GPR19: variants seen among roughly 807,000 people sequenced by gnomAD.
The protein encoded by GPR19 is probable G protein-coupled receptor 19.
Under a neutral mutation model 28.5 loss-of-function variants are expected in GPR19, and 14 were observed. The observed-to-expected ratio is 0.49, with a 90% confidence interval of 0.32 to 0.77. The LOEUF is 0.77. Ranked by LOEUF, GPR19 falls within the 30% of genes least tolerant of loss-of-function variation. The pLI, the probability that GPR19 is intolerant of heterozygous loss-of-function variation, is 0.03. For synonymous variants in GPR19, 173 were observed against 184.1 expected (o/e 0.94, Z 0.49); for missense variants, 409 against 504.1 (o/e 0.81, Z 1.81).
At chr12:12,704,466 C>T in the GPR19 span, among the ~76,000 whole-genome samples, 1 of 152,204 alleles carries the variant, frequency 6.6e-6, no homozygotes, top group South Asian at 2.1e-4. Context: ...CGTGCCACTG[C>T]ACTCCAGCCT....
chr12:12,690,828 G>A (rs1946169581), intron 2 of GPR19, among the ~76,000 whole-genome samples: 1 of 152,234 alleles, frequency 6.6e-6, no homozygotes, highest in Non-Finnish European at 1.5e-5. Context: ...GGATGGAGAA[G>A]AGTTCCCATA....
rs796971998 is a variant in GPR19, at chr12:12,686,316, G to A, written c.-179-1809C>T. On this transcript the variant is annotated intron_variant, in intron 2 of 3. Coordinates refer to ENST00000651487, the MANE Select transcript of GPR19 (RefSeq NM_006143.3). ...ATTTTCTACTTTTATTTTAGGAGGA[G>A]TGAGGTTAATTCTAGTTTTTCTATG... Among the ~76,000 whole-genome samples, 11 of 152,302 alleles carry A rather than the reference G, an allele frequency of 7.2e-5. 1 individual carries two copies. The highest frequency in any genetic ancestry group is 2.4e-4 in the African/African-American group (10 of 41,560).
intron 3 of GPR19, among the ~76,000 whole-genome samples, chr12:12,664,440 T>C (rs1945729174): frequency 6.6e-6 from 1 of 152,110 alleles, no homozygotes; most frequent in Admixed American, 6.5e-5. Context: ...TTAGGCTTTT[T>C]TGTCCATGAG....
chr12:12,667,189 C>G (rs1407941578), intron 3 of GPR19, among the ~76,000 whole-genome samples: 1 of 152,232 alleles, frequency 6.6e-6, no homozygotes, highest in Non-Finnish European at 1.5e-5. Context: ...TTCTTCACCT[C>G]TTTCCTGTTC....
rs112121529 is a variant in GPR19 at position 12,678,383 on chromosome 12, C to T, written c.-23+5968G>A. Among the ~76,000 whole-genome samples the T allele has an allele frequency of 3.9e-3, 595 of 152,256 alleles. 3 individuals are homozygous for T. Among genetic ancestry groups the T allele is most frequent in the Non-Finnish European group, 3.2e-3 (221 of 68,024 alleles). ...TAGGACATAGCAATATATTTTGACA[C>T]CTTTGTTGATATGCACGGTCCTGAT... On this transcript the variant is annotated intron_variant, in intron 3 of 3. Coordinates refer to ENST00000651487, the MANE Select transcript of GPR19 (RefSeq NM_006143.3).
chr12:12,670,143 T>G (rs1315300553), intron 3 of GPR19, among the ~76,000 whole-genome samples: 1 of 152,222 alleles, frequency 6.6e-6, no homozygotes, highest in Admixed American at 6.5e-5. Flanking sequence ...GACATGTTCT[T>G]ACAATGTCGA....
chr12:12,663,860 A>G (rs1360953081), intron 3 of GPR19, among the ~76,000 whole-genome samples: 1 of 152,226 alleles, frequency 6.6e-6, no homozygotes, highest in Middle Eastern at 3.2e-3. Context: ...ATGTGGCTCC[A>G]GCAACAGGCT....
At chr12:12,716,718 G>A in the GPR19 span, 1 of 984,498 alleles carries the variant, frequency 1.0e-6, no homozygotes, top group African/African-American at 1.7e-5. Flanking sequence ...AAAGAAAGAC[G>A]TTCGCTTTGG....
chr12:12,671,172 G>A (rs559256596), intron 3 of GPR19, among the ~76,000 whole-genome samples: 9 of 151,830 alleles, frequency 5.9e-5, no homozygotes, highest in South Asian at 2.1e-4. Flanking sequence ...CGGGTGTGGC[G>A]GCTGGTGCCT....
chr12:12,666,956 G>A (rs980691297), intron 3 of GPR19, among the ~76,000 whole-genome samples: 2 of 152,154 alleles, frequency 1.3e-5, no homozygotes, highest in African/African-American at 4.8e-5. Flanking sequence ...TAATTTAGGT[G>A]TCCTCAGACA....
chr12:12,691,409 G>C (rs1304965356), intron 2 of GPR19, among the ~76,000 whole-genome samples: 4 of 152,020 alleles, frequency 2.6e-5, no homozygotes, highest in African/African-American at 9.7e-5. Flanking sequence ...CCTTCACACT[G>C]CTTGTATTGC....
the GPR19 span, among the ~76,000 whole-genome samples, chr12:12,704,451 G>A: frequency 3.9e-5 from 6 of 152,270 alleles, no homozygotes; most frequent in South Asian, 6.2e-4. Flanking sequence ...ACAGTGAGCC[G>A]AGATCGTGCC....
chr12:12,680,072 A>T (rs12816452), intron 3 of GPR19, among the ~76,000 whole-genome samples: 66,866 of 152,046 alleles, frequency 0.44, 15,509 homozygotes, highest in Non-Finnish European at 0.51. Flanking sequence ...AGGTGGCAAG[A>T]TCACAACTGA....
chr12:12,684,756 A>G (rs1946070183), intron 2 of GPR19: 2 of 152,230 alleles, frequency 1.3e-5, no homozygotes, highest in African/African-American at 2.4e-5. Flanking sequence ...TCTCCATATG[A>G]AAAGGGGAAG....
chr12:12,691,525 C>T (rs559642741), intron 2 of GPR19, among the ~76,000 whole-genome samples: 16 of 152,298 alleles, frequency 1.1e-4, no homozygotes, highest in Non-Finnish European at 1.6e-4. Flanking sequence ...TTCTATTTCT[C>T]TCCCACTCTG....
In GPR19 at chr12:12,671,346, T is replaced by C. The variant is rs545204946; in HGVS notation, c.-22-8876A>G. ...GTTTCCATTAGATATTTTAAATAAT[T>C]GCAAAAGAACCTCACACCAATGAAA... On this transcript the variant is annotated intron_variant, in intron 3 of 3. Coordinates refer to ENST00000651487, the MANE Select transcript of GPR19 (RefSeq NM_006143.3). 1.3e-3 allele frequency among the ~76,000 whole-genome samples: 195 copies of C among 152,112 alleles called. 1 individual carries two copies. Among genetic ancestry groups the C allele is most frequent in the African/African-American group, 4.2e-3 (176 of 41,520 alleles).
chr12:12,662,224 C>T lies in GPR19; in HGVS notation c.225G>A (p.Leu75=), dbSNP rs775986618. ...VATASIFFGI[L]WLFSIFGNSL... is the part of the protein sequence containing the mutation. ...AATTGCCGAAGATAGAAAACAACCA[C>T]AGAATCCCAAAGAAGATGCTGGCTG... Residue 75 remains leucine, a synonymous_variant, in exon 4 of 4, where the codon CTG becomes CTA. Coordinates refer to ENST00000651487, the MANE Select transcript of GPR19 (RefSeq NM_006143.3). 6.2e-7 allele frequency: 1 copy of T among 1,614,238 alleles called. No individual in the cohort carries two copies. Among genetic ancestry groups the T allele is most frequent in the South Asian group, 1.1e-5 (1 of 91,084 alleles).
At chr12:12,717,218 A>G in the GPR19 span, 1 of 1,045,238 alleles carries the variant, frequency 9.6e-7, no homozygotes, top group Non-Finnish European at 1.2e-6. Flanking sequence ...GCGCTCGGGG[A>G]GGCGGCGCGC....
chr12:12,662,055 T>A lies in GPR19; in HGVS notation c.394A>T (p.Thr132Ser), dbSNP rs1304783352. ...ACCTTGCACGTTGCACTACCCAGCG[T>A]CCACCTTCCAGTGGTGAACTGGAGC... ...VLLQFTTGRW[T>S]LGSATCKVVR... The change falls in exon 4 of 4, where the codon ACG becomes TCG. Residue 132 changes from threonine (T) to serine (S), a missense_variant. Physicochemically the swap from Thr to Ser is moderately conservative, Grantham distance 58. Coordinates refer to ENST00000651487, the MANE Select transcript of GPR19 (RefSeq NM_006143.3). 1 of 1,614,232 alleles carries A rather than the reference T, an allele frequency of 6.2e-7. No individual in the cohort carries two copies. The highest frequency in any genetic ancestry group is 1.7e-5 in the Admixed American group (1 of 60,030).
Sources: gnomAD v4.1 joint callset for allele counts (sites outside exome capture counted in the v4.1 genomes callset) on GRCh38, gnomAD v4.1.1 for gene constraint, MANE v1.5 for transcripts, NCBI Gene and HGNC (gene_info 2026-07-23, HGNC 2026-07-21) for gene names.